Variants in FAM13B observed in about 807,000 individuals in gnomAD.
The protein encoded by FAM13B is family with sequence similarity 13 member B.
A neutral mutation model predicts 117.3 loss-of-function variants in FAM13B; 60 were observed. The observed-to-expected ratio is 0.51, with a 90% CI of 0.42 to 0.63. FAM13B has a LOEUF of 0.63. FAM13B is among the 30% of genes least tolerant of loss of function. The pLI, the probability that FAM13B is intolerant of heterozygous loss-of-function variation, is 0.00. For synonymous variants in FAM13B, 332 were observed against 356.1 expected, an observed-to-expected ratio of 0.93 and a Z score of 0.76; for missense variants, 972 against 1,091.9, an observed-to-expected ratio of 0.89 and a Z score of 1.55.
chr5:138,000,457 C>T (rs1313485374), intron 7 of FAM13B, among the ~76,000 whole-genome samples: 2 of 151,794 alleles, frequency 1.3e-5, no homozygotes, highest in Admixed American at 1.3e-4. Context: ...AATATAAACA[C>T]CAATAGATAT....
intron 2 of FAM13B, chr5:138,020,035 A>C (rs1196639021): frequency 1.0e-6 from 1 of 957,464 alleles, no homozygotes; most frequent in Admixed American, 6.2e-5. Context: ...ACTTTCAATA[A>C]GAGATGTCCT....
chr5:137,995,483 G>A (rs1779638288), intron 7 of FAM13B, among the ~76,000 whole-genome samples: 1 of 152,152 alleles, frequency 6.6e-6, no homozygotes, highest in Non-Finnish European at 1.5e-5. Flanking sequence ...TTTGAGAAAA[G>A]CATTTATGGT....
intron 18 of FAM13B, among the ~76,000 whole-genome samples, chr5:137,948,485 C>T (rs960712763): frequency 5.9e-5 from 9 of 152,072 alleles, no homozygotes; most frequent in South Asian, 2.1e-4. Flanking sequence ...CCTAATCTCC[C>T]GGGCTCCATT....
chr5:137,972,164 G>C (rs879782927), intron 10 of FAM13B, among the ~76,000 whole-genome samples: 1,764 of 150,462 alleles, frequency 0.012, 25 homozygotes, highest in Non-Finnish European at 0.016. Context: ...AACCAAAAAA[G>C]AGAATTTTAG....
chr5:138,002,069 C>CCTCT (rs1781406049), intron 7 of FAM13B, among the ~76,000 whole-genome samples: 1 of 152,146 alleles, frequency 6.6e-6, no homozygotes, highest in Non-Finnish European at 1.5e-5. Context: ...AACGCTCTTA[C>CCTCT]CTCTCTGAAG....
At chr5:138,030,410 CTTTTTT>C (rs59704298) in intron 1 of FAM13B, among the ~76,000 whole-genome samples, 1 of 135,456 alleles carries the variant, frequency 7.4e-6, no homozygotes, top group African/African-American at 2.7e-5. Flanking sequence ...CCATGCCTGG[CTTTTTT>C]TTTTTTTTTT....
In FAM13B at chr5:137,939,965, T is replaced by C; in HGVS notation, c.*260A>G. The C allele has an allele frequency of 1.3e-6, 2 of 1,506,898 alleles. No homozygotes were observed. The allele number at this position is 1,506,898 out of a possible 1,614,324, so 93.3% of individuals were successfully genotyped here. On this transcript the variant is annotated 3_prime_UTR_variant, in exon 24 of 24. Coordinates refer to ENST00000689681, the MANE Select transcript of FAM13B (RefSeq NM_001385994.1). ...TTTTGCTAAAAGGATGTATCTGTAG[T>C]ACAAAACAATGAAGTAAACCATATG...
intron 1 of FAM13B, among the ~76,000 whole-genome samples, chr5:138,028,569 T>G (rs1789052835): frequency 6.6e-6 from 1 of 152,132 alleles, no homozygotes; most frequent in South Asian, 2.1e-4. Flanking sequence ...CCCACTAGAT[T>G]GTGAACTTTG....
chr5:137,992,783 T>C (rs1778940487), intron 7 of FAM13B, among the ~76,000 whole-genome samples: 1 of 152,106 alleles, frequency 6.6e-6, no homozygotes. Flanking sequence ...ACACTGTTAG[T>C]AGGGATGTAA....
At chr5:137,969,089 T>A (rs867058274) in intron 10 of FAM13B, among the ~76,000 whole-genome samples, 1 of 152,202 alleles carries the variant, frequency 6.6e-6, no homozygotes, top group Non-Finnish European at 1.5e-5. Context: ...CGGGAAGCTC[T>A]AACTGGGTGG....
At position 138,005,127 on chromosome 5, in the gene FAM13B, C is replaced by G. The variant is rs1041276667; in HGVS notation, c.848+1863G>C. ...TGATGCGTGCCTATAGTCTCAGCTACTTGGGAAGCTAAGGCATGAGAATCA... is the reference window on the plus strand; with the variant it reads ...TGATGCGTGCCTATAGTCTCAGCTAGTTGGGAAGCTAAGGCATGAGAATCA... On this transcript the variant is annotated intron_variant, in intron 7 of 23. Coordinates refer to ENST00000689681, the MANE Select transcript of FAM13B (RefSeq NM_001385994.1). Among the ~76,000 whole-genome samples the G allele has an allele frequency of 7.9e-5, 12 of 152,246 alleles. No individual in the cohort carries two copies. The East Asian group carries it at 2.3e-3, about 29-fold the overall frequency.
intron 7 of FAM13B, among the ~76,000 whole-genome samples, chr5:138,005,212 G>A (rs1782245585): frequency 6.6e-6 from 1 of 152,204 alleles, no homozygotes; most frequent in African/African-American, 2.4e-5. Flanking sequence ...ACTCCTGCCT[G>A]GGTGACAGGG....
At chr5:137,992,601 T>C (rs1283794950) in intron 7 of FAM13B, among the ~76,000 whole-genome samples, 10 of 149,968 alleles carry the variant, frequency 6.7e-5, no homozygotes, top group African/African-American at 2.5e-4. Context: ...CCTCAAAAAA[T>C]AAAAAATAAA....
chr5:138,018,569 T>C (rs1025056334), intron 3 of FAM13B, 55 bp from the exon 4 acceptor site: 25 of 1,458,450 alleles, frequency 1.7e-5, no homozygotes, highest in East Asian at 6.8e-5. Flanking sequence ...TGCTTGACCA[T>C]ATATATTCAT....
chr5:138,001,562 G>A (rs1301048217), intron 7 of FAM13B, among the ~76,000 whole-genome samples: 6 of 152,142 alleles, frequency 3.9e-5, no homozygotes, highest in Non-Finnish European at 5.9e-5. Flanking sequence ...TGCCTATTCT[G>A]TAGCAGGCAC....
At chr5:137,993,552 G>A (rs1278109471) in intron 7 of FAM13B, among the ~76,000 whole-genome samples, 3 of 151,624 alleles carry the variant, frequency 2.0e-5, no homozygotes, top group African/African-American at 7.3e-5. Context: ...AGGCTGAGGC[G>A]GGCAGATCAC....
At chr5:138,032,222 G>C (rs796840900) in intron 1 of FAM13B, among the ~76,000 whole-genome samples, 1 of 152,136 alleles carries the variant, frequency 6.6e-6, no homozygotes. Context: ...CTCCAGCCTG[G>C]CCTATGCAGA....
At chr5:138,034,080 C>T (rs1790821112), upstream of FAM13B, 1 of 152,228 alleles carries the variant, frequency 6.6e-6, no homozygotes, top group Admixed American at 6.5e-5. Context: ...CCATGTGTAA[C>T]CTAAGTGTCA....
chr5:137,986,792 A>G (rs1777355313), intron 9 of FAM13B, among the ~76,000 whole-genome samples: 1 of 152,210 alleles, frequency 6.6e-6, no homozygotes, highest in Non-Finnish European at 1.5e-5. Flanking sequence ...AGCATGACAA[A>G]CAAGGTCCCT....
Sources: gnomAD v4.1 joint callset for allele counts (sites outside exome capture counted in the v4.1 genomes callset) on GRCh38, gnomAD v4.1.1 for gene constraint, MANE v1.5 for transcripts, NCBI Gene and HGNC (gene_info 2026-07-23, HGNC 2026-07-21) for gene names.